GNA14: variants seen among roughly 807,000 people sequenced by gnomAD.
The protein encoded by GNA14 is guanine nucleotide-binding protein subunit alpha-14.
Under a neutral mutation model 42.0 loss-of-function variants are expected in GNA14, and 50 were observed. The ratio of observed to expected loss-of-function variants is 1.19; its 90% CI spans 0.95 to 1.51. The LOEUF (loss-of-function observed/expected upper bound fraction) is 1.51, where lower values mean the gene tolerates loss of function less well. Ranked by LOEUF, GNA14 falls within the 40% of genes most tolerant of loss-of-function variation. The pLI is 0.00. For synonymous variants in GNA14, 173 were observed against 163.1 expected, an observed-to-expected ratio of 1.06 and a Z score of -0.46; for missense variants, 473 against 446.2, an observed-to-expected ratio of 1.06 and a Z score of -0.54.
intron 1 of GNA14, among the ~76,000 whole-genome samples, chr9:77,572,754 G>A (rs968921120): frequency 6.6e-6 from 1 of 152,168 alleles, no homozygotes; most frequent in African/African-American, 2.4e-5. Context: ...CTTGGTGTCT[G>A]TGTGCCTCCT....
intron 2 of GNA14, chr9:77,517,369 G>A (rs1392575105): frequency 2.6e-5 from 4 of 151,666 alleles, no homozygotes; most frequent in African/African-American, 9.7e-5. Flanking sequence ...AGGGAGCGAG[G>A]GGCCACCCAT....
chr9:77,539,965 C>G (rs930591592), intron 1 of GNA14, among the ~76,000 whole-genome samples: 4 of 151,970 alleles, frequency 2.6e-5, no homozygotes, highest in African/African-American at 9.6e-5. Context: ...ATCTTTTGTA[C>G]TTTTTTTAGT....
intron 1 of GNA14, among the ~76,000 whole-genome samples, chr9:77,592,754 C>T (rs1237154681): frequency 6.6e-6 from 1 of 152,132 alleles, no homozygotes; most frequent in East Asian, 1.9e-4. Flanking sequence ...TTTTTTAGCT[C>T]CATATGTCAC....
At chr9:77,603,956 CAAAAAAAAAAAAA>C (rs67044542) in intron 1 of GNA14, among the ~76,000 whole-genome samples, 47 of 81,614 alleles carry the variant, frequency 5.8e-4, no homozygotes, top group East Asian at 1.2e-3. Context: ...AAAAAAAAAA[CAAAAAAAAAAAAA>C]AAAAAAAAAA....
intron 1 of GNA14, among the ~76,000 whole-genome samples, chr9:77,598,291 G>A (rs1823499188): frequency 6.6e-6 from 1 of 151,912 alleles, no homozygotes; most frequent in South Asian, 2.1e-4. Context: ...GGAAGAATGG[G>A]GTACACTAGA....
chr9:77,549,955 G>C (rs552429960), intron 1 of GNA14, among the ~76,000 whole-genome samples: 1 of 152,126 alleles, frequency 6.6e-6, no homozygotes. Flanking sequence ...CCAGTCCATC[G>C]TCTTGGGGGT....
chr9:77,577,768 G>A (rs769488504), intron 1 of GNA14, among the ~76,000 whole-genome samples: 4 of 152,068 alleles, frequency 2.6e-5, no homozygotes, highest in Non-Finnish European at 4.4e-5. Context: ...GAGGTACTTT[G>A]GAATTGCTCT....
intron 1 of GNA14, among the ~76,000 whole-genome samples, chr9:77,595,806 G>C (rs768145724): frequency 2.6e-5 from 4 of 152,160 alleles, no homozygotes; most frequent in African/African-American, 4.8e-5. Flanking sequence ...TCTCAAGAGA[G>C]AGAGAGATAA....
At chr9:77,548,638 C>T (rs1476932042) in intron 1 of GNA14, among the ~76,000 whole-genome samples, 1 of 152,186 alleles carries the variant, frequency 6.6e-6, no homozygotes, top group African/African-American at 2.4e-5. Flanking sequence ...GAAAGGGTCT[C>T]TTCATTGTTC....
Position 77,529,267 on chromosome 9 carries a change from C to G in GNA14, c.125-14G>C. On this transcript the variant is annotated splice_polypyrimidine_tract_variant and intron_variant, in intron 1 of 6. Coordinates refer to ENST00000341700, the MANE Select transcript of GNA14 (RefSeq NM_004297.4). Reference sequence around the variant, plus strand: ...TTTCACCAGTTCCTATAAGACAAAACAAGTGGAAAACGCTGTCAGCAGACT... The same window carrying G: ...TTTCACCAGTTCCTATAAGACAAAAGAAGTGGAAAACGCTGTCAGCAGACT... The G allele has an allele frequency of 6.2e-7, 1 of 1,609,056 alleles. No individual in the cohort carries two copies. Among genetic ancestry groups the G allele is most frequent in the Non-Finnish European group, 8.5e-7 (1 of 1,175,496 alleles).
At chr9:77,573,541 G>A (rs1033360976) in intron 1 of GNA14, among the ~76,000 whole-genome samples, 3 of 152,126 alleles carry the variant, frequency 2.0e-5, no homozygotes, top group Non-Finnish European at 2.9e-5. Flanking sequence ...ACTGATCTGC[G>A]CTCAAGAGAT....
chr9:77,556,343 G>A (rs961188042), intron 1 of GNA14, among the ~76,000 whole-genome samples: 1 of 152,100 alleles, frequency 6.6e-6, no homozygotes, highest in Non-Finnish European at 1.5e-5. Flanking sequence ...ATATATGGAG[G>A]TAGATGCTAA....
intron 2 of GNA14, among the ~76,000 whole-genome samples, chr9:77,486,815 T>C (rs191317245): frequency 1.3e-5 from 2 of 152,286 alleles, no homozygotes; most frequent in East Asian, 1.9e-4. Flanking sequence ...TGGGCATGTT[T>C]GTGGTGCCCC....
chr9:77,645,120 A>G (rs978986466), intron 1 of GNA14, among the ~76,000 whole-genome samples: 3 of 152,244 alleles, frequency 2.0e-5, no homozygotes, highest in African/African-American at 7.2e-5. Flanking sequence ...CTTCAGAAAC[A>G]TCCTCACATC....
intron 2 of GNA14, among the ~76,000 whole-genome samples, chr9:77,444,953 T>TAGA (rs1835791747): frequency 6.6e-6 from 1 of 152,180 alleles, no homozygotes; most frequent in Admixed American, 6.5e-5. Flanking sequence ...CTGCTGGGAA[T>TAGA]AGAAATAGGC....
chr9:77,490,175 C>G (rs1459807268), intron 2 of GNA14, among the ~76,000 whole-genome samples: 1 of 152,210 alleles, frequency 6.6e-6, no homozygotes, highest in South Asian at 2.1e-4. Flanking sequence ...CACGTCCCCA[C>G]CAGAGCAGCT....
At chr9:77,643,872 CAG>C (rs1318428980) in intron 1 of GNA14, among the ~76,000 whole-genome samples, 5 of 152,022 alleles carry the variant, frequency 3.3e-5, no homozygotes, top group African/African-American at 1.2e-4. Flanking sequence ...ACTCAAAAAA[CAG>C]AGTGATGATA....
At chr9:77,506,646 C>T (rs972582995) in intron 2 of GNA14, among the ~76,000 whole-genome samples, 3 of 152,060 alleles carry the variant, frequency 2.0e-5, no homozygotes, top group South Asian at 2.1e-4. Context: ...CACTACACTC[C>T]ACCCTGTCAA....
At chr9:77,647,591 C>G (rs1311023701) in intron 1 of GNA14, 79 bp downstream of exon 1, 3 of 1,493,452 alleles carry the variant, frequency 2.0e-6, no homozygotes. Context: ...TCCAGGGCCG[C>G]GCGGGTGCCA....
Sources: allele counts gnomAD v4.1 joint callset (sites outside exome capture counted in the v4.1 genomes callset), GRCh38; gene constraint gnomAD v4.1.1; transcripts MANE v1.5; gene names NCBI Gene and HGNC (gene_info 2026-07-23, HGNC 2026-07-21).